The following CAMTA1 variants were observed in gnomAD, a reference collection of about 807,000 sequenced individuals.
The protein encoded by CAMTA1 is calmodulin binding transcription activator 1.
In CAMTA1, 27 loss-of-function variants were observed where a neutral mutation model predicts 170.9. The observed-to-expected ratio is 0.16, with a 90% CI of 0.12 to 0.22. The LOEUF (loss-of-function observed/expected upper bound fraction) is 0.22, where lower values mean the gene tolerates loss of function less well. Among genes scored for constraint, CAMTA1 ranks in the 10% least tolerant of loss-of-function variants. The probability of loss-of-function intolerance (pLI) is 1.00; values close to 1 mark genes in which losing one functional copy is unlikely to be tolerated. For synonymous variants in CAMTA1, 833 were observed against 891.5 expected, an observed-to-expected ratio of 0.93 and a Z score of 1.17; for missense variants, 1,619 against 2,217.2, an observed-to-expected ratio of 0.73 and a Z score of 5.42.
intron 3 of CAMTA1, among the ~76,000 whole-genome samples, chr1:6,829,529 C>G (rs1362943115): frequency 4.3e-4 from 65 of 152,172 alleles, no homozygotes; most frequent in Admixed American, 4.0e-3. Context: ...GATGGCTGCA[C>G]TAATTATGGA....
At chr1:7,726,644 C>A (rs2096689004) in intron 11 of CAMTA1, among the ~76,000 whole-genome samples, 1 of 152,188 alleles carries the variant, frequency 6.6e-6, no homozygotes, top group Admixed American at 6.6e-5. Context: ...GCCTGTGTTA[C>A]TAGAAACAGG....
chr1:7,255,726 G>A (rs527354847), intron 5 of CAMTA1, among the ~76,000 whole-genome samples: 10 of 152,304 alleles, frequency 6.6e-5, no homozygotes, highest in South Asian at 6.2e-4. Context: ...TCTCCACAGA[G>A]TGTCTACAGA....
At chr1:7,083,284 C>T (rs2187901) in intron 3 of CAMTA1, among the ~76,000 whole-genome samples, 75,215 of 152,098 alleles carry the variant, frequency 0.49, 19,596 homozygotes, top group South Asian at 0.63. Context: ...TCCTTACAGT[C>T]TTAACCACTG....
chr1:7,098,162 G>T (rs1309975054), intron 4 of CAMTA1, among the ~76,000 whole-genome samples: 1 of 152,176 alleles, frequency 6.6e-6, no homozygotes, highest in Non-Finnish European at 1.5e-5. Flanking sequence ...TGCATGTGCA[G>T]GGGGTGCTGT....
At chr1:7,558,170 G>A (rs1325323236) in intron 6 of CAMTA1, among the ~76,000 whole-genome samples, 2 of 152,178 alleles carry the variant, frequency 1.3e-5, no homozygotes, top group South Asian at 2.1e-4. Flanking sequence ...CCAGAGCCCC[G>A]TTCTTCCCAG....
At chr1:7,606,826 G>A (rs2095489984) in intron 6 of CAMTA1, among the ~76,000 whole-genome samples, 1 of 152,218 alleles carries the variant, frequency 6.6e-6, no homozygotes, top group Non-Finnish European at 1.5e-5. Context: ...GTGAGGAGGG[G>A]TTTGGAGCCC....
chr1:7,730,126 T>G (rs1415804281), intron 11 of CAMTA1, among the ~76,000 whole-genome samples: 5 of 152,326 alleles, frequency 3.3e-5, no homozygotes, highest in African/African-American at 1.2e-4. Flanking sequence ...TTACATAGAT[T>G]AACAGCCCTC....
intron 1 of CAMTA1, among the ~76,000 whole-genome samples, chr1:6,816,413 C>CAT (rs1645819978): frequency 6.6e-6 from 1 of 152,124 alleles, no homozygotes; most frequent in South Asian, 2.1e-4. Context: ...GTGTCTGGTA[C>CAT]ATGTTAGGTG....
chr1:7,631,356 G>A (rs1452769181), intron 6 of CAMTA1, among the ~76,000 whole-genome samples: 1 of 152,166 alleles, frequency 6.6e-6, no homozygotes, highest in Non-Finnish European at 1.5e-5. Context: ...AGAGCCCTGG[G>A]GCAGTGGTCT....
chr1:7,736,817 A>G lies in CAMTA1; in HGVS notation c.3264-114A>G, dbSNP rs2096776064. 8.1e-6 allele frequency: 7 copies of G among 865,460 alleles called. No individual in the cohort carries two copies. The highest frequency in any genetic ancestry group is 1.3e-5 in the Non-Finnish European group (7 of 533,362). 53.6% of individuals were successfully genotyped at this position (865,460 alleles called of 1,614,324 possible). A position where few individuals can be genotyped will look rare whatever the true frequency, so the allele number is the denominator to read the frequency against. On this transcript the variant is annotated intron_variant, in intron 13 of 22. Transcript: ENST00000303635. This position sits in a 1 kb window ranked among gnomAD's most constrained non-coding sequence, Gnocchi z 4.5. The stretch of plus-strand genomic sequence containing the variant: ...TGCCCTGGGACTCTGTTTCTTCACC[A>G]TGGGGATGTTATATACCCAGTTGGG...
rs116899807 is a variant in CAMTA1 at position 7,655,713 on chromosome 1, A to G, written c.665-6013A>G. Among the ~76,000 whole-genome samples the G allele has an allele frequency of 3.3e-3, 505 of 152,084 alleles. 16 individuals are homozygous for G. In the East Asian group the frequency reaches 0.081, roughly 24 times the overall value. On this transcript the variant is annotated intron_variant, in intron 7 of 22. Coordinates refer to ENST00000303635, the MANE Select transcript of CAMTA1 (RefSeq NM_015215.4). Reference sequence around the variant, plus strand: ...TACACACACACCTATACACACATCTATATACACATACACCGATACACCCAC... The same window carrying G: ...TACACACACACCTATACACACATCTGTATACACATACACCGATACACCCAC...
At chr1:7,090,439 A>G (rs1641325704) in intron 3 of CAMTA1, among the ~76,000 whole-genome samples, 1 of 152,190 alleles carries the variant, frequency 6.6e-6, no homozygotes, top group African/African-American at 2.4e-5. Flanking sequence ...TAGCATCACC[A>G]AGATCAAGGG....
At chr1:7,150,127 G>A (rs144103578) in intron 4 of CAMTA1, among the ~76,000 whole-genome samples, 6 of 152,316 alleles carry the variant, frequency 3.9e-5, no homozygotes, top group Admixed American at 1.3e-4. Context: ...AAGGCTCTGC[G>A]TGCTGCCCAC....
At chr1:7,406,612 A>C (rs549015016) in intron 5 of CAMTA1, among the ~76,000 whole-genome samples, 1 of 151,978 alleles carries the variant, frequency 6.6e-6, no homozygotes, top group Non-Finnish European at 1.5e-5. Flanking sequence ...GGATGTACAC[A>C]CACACACATG....
chr1:7,420,338 T>C (rs2091477963), intron 5 of CAMTA1, among the ~76,000 whole-genome samples: 1 of 152,168 alleles, frequency 6.6e-6, no homozygotes, highest in Non-Finnish European at 1.5e-5. Context: ...TTGCTCTGTC[T>C]TGTTTTTCTC....
rs1214512218 is a variant in CAMTA1 at position 7,565,610 on chromosome 1, G to A, written c.511-74790G>A. On this transcript the variant is annotated intron_variant, in intron 6 of 22. Coordinates refer to ENST00000303635, the MANE Select transcript of CAMTA1 (RefSeq NM_015215.4). The surrounding 1 kb of genome is among the most constrained non-coding windows in gnomAD (Gnocchi z 4.5). ...TTGGGCCTACCTGACTGAGACCCCA[G>A]GAGAGCCAGGTCCTGCTCCTTTGGG... is the stretch of plus-strand genomic sequence containing the variant. Among the ~76,000 whole-genome samples the A allele has an allele frequency of 6.6e-6, 1 of 152,192 alleles. No homozygotes were observed. Among genetic ancestry groups the A allele is most frequent in the Non-Finnish European group, 1.5e-5 (1 of 68,032 alleles).
intron 3 of CAMTA1, among the ~76,000 whole-genome samples, chr1:6,963,244 C>T (rs1168834964): frequency 1.0e-5 from 1 of 99,588 alleles, no homozygotes; most frequent in Non-Finnish European, 2.3e-5. Flanking sequence ...ATGGGCCCCG[C>T]CCCATCTGGC....
intron 5 of CAMTA1, among the ~76,000 whole-genome samples, chr1:7,330,910 A>T (rs1321574796): frequency 1.3e-5 from 2 of 152,134 alleles, no homozygotes; most frequent in Admixed American, 1.3e-4. Flanking sequence ...GGCTGCGGCC[A>T]CATCGTAGGG....
At chr1:7,176,424 G>A (rs1650841611) in intron 4 of CAMTA1, among the ~76,000 whole-genome samples, 1 of 152,192 alleles carries the variant, frequency 6.6e-6, no homozygotes, top group Non-Finnish European at 1.5e-5. Flanking sequence ...TACAGAGGGA[G>A]GGACCTTTTC....
Sources: allele counts gnomAD v4.1 joint callset (sites outside exome capture counted in the v4.1 genomes callset), GRCh38; gene constraint gnomAD v4.1.1; non-coding constraint Gnocchi (gnomAD v3.1); transcripts MANE v1.5; gene names NCBI Gene and HGNC (gene_info 2026-07-23, HGNC 2026-07-21).